The following MBIP variants were observed in gnomAD, a reference collection of about 807,000 sequenced individuals.
MBIP encodes MAP3K12-binding inhibitory protein 1.
In MBIP, 32 loss-of-function variants were observed where a neutral mutation model predicts 45.7. That is an observed-to-expected ratio of 0.70 (90% confidence interval 0.53 to 0.94). The LOEUF is 0.94. MBIP is among the 40% of genes least tolerant of loss of function. The pLI is 0.00. For missense variants in MBIP, 381 were observed against 405.5 expected, an observed-to-expected ratio of 0.94 and a Z score of 0.52; for synonymous variants, 145 against 141.0, an observed-to-expected ratio of 1.03 and a Z score of -0.20.
At chr14:36,305,256 G>C (rs1486033573) in intron 7 of MBIP, 1 of 152,138 alleles carries the variant, frequency 6.6e-6, no homozygotes, top group African/African-American at 2.4e-5. Flanking sequence ...AGGGTGATGA[G>C]TATGAAATCT....
intron 6 of MBIP, among the ~76,000 whole-genome samples, chr14:36,311,304 TA>T (rs1035654536): frequency 6.6e-6 from 1 of 152,074 alleles, no homozygotes; most frequent in African/African-American, 2.4e-5. Context: ...CTTTTTTTTT[TA>T]GAGTTGTCAC....
Position 36,311,693 on chromosome 14 carries a change from T to C in MBIP, c.670A>G (p.Thr224Ala). 6.2e-7 allele frequency: 1 copy of C among 1,613,408 alleles called. No individual in the cohort carries two copies. Among genetic ancestry groups the C allele is most frequent in the South Asian group, 1.1e-5 (1 of 91,020 alleles). Residue 224 changes from threonine (T) to alanine (A), a missense_variant, in exon 6 of 9, where the codon ACT (threonine) becomes GCT (alanine). Physicochemically the swap from Thr to Ala is moderately conservative, Grantham distance 58 (BLOSUM62 0). Transcript: ENST00000416007. ...GACCCTGGAATTCCTTCAGGTCTAG[T>C]CTGTGGTCCGTATGTATTCACAACT... ...SRVVNTYGPQ[T>A]RPEGIPGSGH...
chr14:36,299,350 T>C (rs1268232738), intron 8 of MBIP, among the ~76,000 whole-genome samples, 160 bp from the exon 9 acceptor site: 1 of 152,150 alleles, frequency 6.6e-6, no homozygotes, highest in East Asian at 1.9e-4. Context: ...ACTATATATG[T>C]TGACTATATC....
chr14:36,319,388 A>T (rs968831435), intron 1 of MBIP, among the ~76,000 whole-genome samples: 1 of 152,216 alleles, frequency 6.6e-6, no homozygotes, highest in African/African-American at 2.4e-5. Context: ...TTTAAAAGTT[A>T]TATCTTTAAG....
intron 5 of MBIP, 74 bp downstream of exon 5, chr14:36,311,885 A>C: frequency 7.8e-7 from 1 of 1,283,738 alleles, no homozygotes; most frequent in Admixed American, 2.3e-5. Flanking sequence ...TAGATGGGAA[A>C]GTTATTTCTA....
rs1880839920 is a variant in MBIP at position 36,320,514 on chromosome 14, G to A, written c.75C>T (p.Leu25=). 1.9e-6 allele frequency: 3 copies of A among 1,613,962 alleles called. No individual in the cohort carries two copies. The highest frequency in any genetic ancestry group is 2.5e-6 in the Non-Finnish European group (3 of 1,180,002). ...AGATTTCGTAGAGCACCTCTCGGGA[G>A]AGGTTGGGTCTGCATCTTCGCTCCA... ...RNLERRCRPN[L]SREVLYEIFR... The change falls in exon 1 of 9, where the codon CTC becomes CTT. Residue 25 remains leucine (L), a synonymous_variant. Coordinates refer to ENST00000416007, the MANE Select transcript of MBIP (RefSeq NM_016586.3).
Position 36,311,631 on chromosome 14 carries a change from A to G in MBIP, c.732T>C (p.Gly244=). ...GTAGTCGTTCTTCTACAGCCTGATT[A>G]CCACAGTCTCGAAGCATGCTGTTAG... ...HKPNSMLRDC[G]NQAVEERLQN... Residue 244 remains glycine (G), a synonymous_variant, in exon 6 of 9, where the codon GGT becomes GGC. Transcript: ENST00000416007. 1.2e-6 allele frequency: 2 copies of G among 1,613,478 alleles called. No homozygotes were observed. The highest frequency in any genetic ancestry group is 1.7e-6 in the Non-Finnish European group (2 of 1,179,556).
chr14:36,320,585 C>T lies in MBIP; in HGVS notation c.4G>A (p.Ala2Thr), dbSNP rs149600391. 6.2e-6 allele frequency: 10 copies of T among 1,607,262 alleles called. No individual in the cohort carries two copies. The African/African-American group carries it at 1.3e-4, about 21-fold the overall frequency. ...GGGCGATTAAGCTCCGTGGCAGCAGCCATGATATCTTCTCAGGCCGCCCCA... is the reference window on the plus strand; with the variant it reads ...GGGCGATTAAGCTCCGTGGCAGCAGTCATGATATCTTCTCAGGCCGCCCCA... MAAATELNRPSS... is the reference protein window; with the variant it reads MTAATELNRPSS... The change falls in exon 1 of 9, where the codon GCT becomes ACT. Residue 2 changes from alanine (A) to threonine (T), a missense_variant. Physicochemically the swap from Ala to Thr is moderately conservative, Grantham distance 58. Coordinates refer to ENST00000416007, the MANE Select transcript of MBIP (RefSeq NM_016586.3).
At position 36,320,577 on chromosome 14, in the gene MBIP, G is replaced by A; in HGVS notation, c.12C>T (p.Ala4=). The A allele has an allele frequency of 1.9e-6, 3 of 1,609,972 alleles. No individual in the cohort carries two copies. Among genetic ancestry groups the A allele is most frequent in the Middle Eastern group, 1.7e-4 (1 of 5,944 alleles). Residue 4 remains alanine, a synonymous_variant, in exon 1 of 9, where the codon GCC becomes GCT. Transcript: ENST00000416007. MAA[A]TELNRPSSGD... is the part of the protein sequence containing the mutation. ...CGCTGCTCGGGCGATTAAGCTCCGT[G>A]GCAGCAGCCATGATATCTTCTCAGG...
chr14:36,320,539 A>G lies in MBIP; in HGVS notation c.50T>C (p.Leu17Pro). The G allele has an allele frequency of 6.2e-7, 1 of 1,613,752 alleles. No individual in the cohort carries two copies. The highest frequency in any genetic ancestry group is 8.5e-7 in the Non-Finnish European group (1 of 1,179,816). ...LNRPSSGDRNLERRCRPNLSR... is the reference protein window; with the variant it reads ...LNRPSSGDRNPERRCRPNLSR... ...GAGGTTGGGTCTGCATCTTCGCTCC[A>G]GGTTCCTGTCACCGCTGCTCGGGCG... Residue 17 changes from leucine to proline, a missense_variant, in exon 1 of 9, where the codon CTG (leucine) becomes CCG (proline). By Grantham distance (98) the Leu-to-Pro change is moderately conservative. Coordinates refer to ENST00000416007, the MANE Select transcript of MBIP (RefSeq NM_016586.3).
Position 36,320,469 on chromosome 14 carries a change from C to T in MBIP, c.120G>A (p.Leu40=), listed in dbSNP as rs1880834369. ...TCAGGCCACCTCTCACCTGTCCAAC[C>T]AGGGTGTGTAGGGAGCGAAAGATTT... is the stretch of plus-strand genomic sequence containing the variant. ...LYEIFRSLHT[L]VGQLDLRDDV... The change falls in exon 1 of 9, where the codon CTG becomes CTA. Residue 40 remains leucine (L), a synonymous_variant. Transcript: ENST00000416007. 2 of 1,614,030 alleles carry T rather than the reference C, an allele frequency of 1.2e-6. No individual in the cohort carries two copies. The highest frequency in any genetic ancestry group is 1.3e-5 in the African/African-American group (1 of 74,918).
intron 7 of MBIP, among the ~76,000 whole-genome samples, chr14:36,303,799 C>T (rs1018969231): frequency 2.0e-5 from 3 of 152,192 alleles, no homozygotes; most frequent in African/African-American, 7.2e-5. Flanking sequence ...TAAAAGGCAA[C>T]TGATTCTATG....
chr14:36,305,111 T>C (rs919701241), intron 7 of MBIP: 1 of 152,234 alleles, frequency 6.6e-6, no homozygotes, highest in Non-Finnish European at 1.5e-5. Flanking sequence ...CCCAGCATGA[T>C]GGTGAGGGTG....
At chr14:36,307,974 T>A in intron 7 of MBIP, 118 bp downstream of exon 7, 1 of 584,128 alleles carries the variant, frequency 1.7e-6, no homozygotes, top group South Asian at 2.4e-5. Context: ...CTGTGTTCAT[T>A]CATCTTTGAA....
In MBIP at chr14:36,314,818, T is replaced by C; in HGVS notation, c.347A>G (p.Asn116Ser). 1 of 1,613,354 alleles carries C rather than the reference T, an allele frequency of 6.2e-7. No homozygotes were observed. The highest frequency in any genetic ancestry group is 8.5e-7 in the Non-Finnish European group (1 of 1,179,636). The change falls in exon 3 of 9, where the codon AAT (asparagine) becomes AGT (serine). Residue 116 changes from asparagine (N) to serine (S), a missense_variant. Transcript: ENST00000416007. Reference sequence around the variant, plus strand: ...TAGGTCGCCAATGGAAAATTTGTCATTTACTTCATTTTTGTTCCCCATTTC... The same window carrying C: ...TAGGTCGCCAATGGAAAATTTGTCACTTACTTCATTTTTGTTCCCCATTTC... ...RTEMGNKNEV[N>S]DKFSIGDLQE...
chr14:36,300,846 A>C, intron 7 of MBIP, 23 bp from the exon 8 acceptor site: 2 of 1,395,952 alleles, frequency 1.4e-6, no homozygotes, highest in South Asian at 1.3e-5. Flanking sequence ...AAAAAAGGTA[A>C]TGTTTAGAAA....
chr14:36,306,647 C>T (rs1000626997), intron 7 of MBIP, among the ~76,000 whole-genome samples: 2 of 152,150 alleles, frequency 1.3e-5, no homozygotes, highest in African/African-American at 4.8e-5. Flanking sequence ...TTGGAGGCAT[C>T]TGATTTTACC....
intron 7 of MBIP, 195 bp from the exon 8 acceptor site, chr14:36,301,018 G>A: frequency 7.4e-6 from 3 of 404,220 alleles, no homozygotes; most frequent in Non-Finnish European, 1.3e-5. Flanking sequence ...AGAGGATGAC[G>A]TTAACAATAT....
intron 6 of MBIP, among the ~76,000 whole-genome samples, chr14:36,308,401 AC>A (rs1880008419): frequency 6.6e-6 from 1 of 152,124 alleles, no homozygotes; most frequent in Non-Finnish European, 1.5e-5. Flanking sequence ...CTCTCTCCAA[AC>A]CCCATTTATG....
Sources: allele counts gnomAD v4.1 joint callset (sites outside exome capture counted in the v4.1 genomes callset), GRCh38; gene constraint gnomAD v4.1.1; transcripts MANE v1.5; gene names NCBI Gene and HGNC (gene_info 2026-07-23, HGNC 2026-07-21).